HERC2: variants seen among roughly 807,000 people sequenced by gnomAD.
HERC2 encodes E3 ubiquitin-protein ligase HERC2.
A neutral mutation model predicts 537.7 loss-of-function variants in HERC2; 102 were observed. The observed-to-expected ratio is 0.19, with a 90% CI of 0.16 to 0.22. HERC2 has a LOEUF of 0.22. Among genes scored for constraint, HERC2 ranks in the 10% least tolerant of loss-of-function variants. The pLI, the probability that HERC2 is intolerant of heterozygous loss-of-function variation, is 1.00. For synonymous variants in HERC2, 2,224 were observed against 2,466.2 expected, an observed-to-expected ratio of 0.90 and a Z score of 2.91; for missense variants, 4,236 against 6,198.2, an observed-to-expected ratio of 0.68 and a Z score of 10.63.
chr15:28,211,519 C>T (rs954097759), intron 43 of HERC2, among the ~76,000 whole-genome samples: 1 of 152,144 alleles, frequency 6.6e-6, no homozygotes, highest in African/African-American at 2.4e-5. Context: ...TCTGTCAGCC[C>T]CACTAGCTCT....
intron 57 of HERC2, among the ~76,000 whole-genome samples, chr15:28,180,024 A>G (rs1236456409): frequency 3.3e-5 from 5 of 152,200 alleles, no homozygotes; most frequent in Non-Finnish European, 7.3e-5. Flanking sequence ...TAAAGTCTAC[A>G]GTAACATGCA....
At chr15:28,227,008 C>G (rs777895181) in intron 35 of HERC2, among the ~76,000 whole-genome samples, 4 of 152,252 alleles carry the variant, frequency 2.6e-5, no homozygotes, top group Non-Finnish European at 5.9e-5. Context: ...GGCGCAGTGG[C>G]TCACGCCTGT....
chr15:28,269,888 C>T (rs1248565505), intron 10 of HERC2, among the ~76,000 whole-genome samples: 1 of 152,244 alleles, frequency 6.6e-6, no homozygotes, highest in African/African-American at 2.4e-5. Context: ...TGCATGTGCA[C>T]GGGCACACAC....
At position 28,321,219 on chromosome 15, in the gene HERC2, T is replaced by A. The variant is rs552783288; in HGVS notation, c.72+143A>T. 4.2e-4 allele frequency: 272 copies of A among 647,254 alleles called. No homozygotes were observed. In the African/African-American group the frequency reaches 4.7e-3, roughly 11 times the overall value. The allele number at this position is 647,254 out of a possible 1,614,324, so 40.1% of individuals were successfully genotyped here. On this transcript the variant is annotated intron_variant, in intron 2 of 92. Transcript: ENST00000261609. ...AAACAGCCATAAAGACTGTTACATTTTAAGTTACAGGAAATAAACCTGCTC... is the reference window on the plus strand; with the variant it reads ...AAACAGCCATAAAGACTGTTACATTATAAGTTACAGGAAATAAACCTGCTC...
chr15:28,183,862 T>C (rs962525968), intron 56 of HERC2, among the ~76,000 whole-genome samples: 3 of 152,176 alleles, frequency 2.0e-5, no homozygotes, highest in African/African-American at 7.2e-5. Context: ...GCACAAAATA[T>C]TGAAATATCT....
intron 69 of HERC2, among the ~76,000 whole-genome samples, chr15:28,153,411 T>C (rs1892659479): frequency 6.6e-6 from 1 of 151,912 alleles, no homozygotes; most frequent in Admixed American, 6.6e-5. Flanking sequence ...ACAAGCACTT[T>C]GGGAGGTCGA....
intron 69 of HERC2, among the ~76,000 whole-genome samples, chr15:28,157,322 C>T (rs1475449510): frequency 6.6e-6 from 1 of 152,198 alleles, no homozygotes; most frequent in East Asian, 1.9e-4. Context: ...AGGAATGGTA[C>T]CAGCTCCTCT....
rs773928368 is a variant in HERC2 at position 28,132,240 on chromosome 15, G to A, written c.12430C>T (p.Arg4144Cys). 1.8e-5 allele frequency: 29 copies of A among 1,612,100 alleles called. No individual in the cohort carries two copies. The highest frequency in any genetic ancestry group is 4.5e-5 in the East Asian group (2 of 44,828). The change falls in exon 81 of 93, where the codon CGT (arginine) becomes TGT (cysteine). Residue 4144 changes from arginine to cysteine, a missense_variant. Physicochemically the swap from Arg to Cys is radical, Grantham distance 180 (BLOSUM62 -3). Transcript: ENST00000261609. Reference sequence around the variant, plus strand: ...CTGCCACAGGCGATGTCAACCACACGGTGGCCCTGCAGCGCCTCCACCTTC... The same window carrying A: ...CTGCCACAGGCGATGTCAACCACACAGTGGCCCTGCAGCGCCTCCACCTTC... The part of the protein sequence containing the change: ...PKLVEALQGH[R>C]VVDIACGSGD...
intron 78 of HERC2, among the ~76,000 whole-genome samples, chr15:28,138,899 G>C (rs562338968): frequency 2.2e-3 from 342 of 152,272 alleles, no homozygotes; most frequent in Non-Finnish European, 3.3e-3. Context: ...CATGGGAGGA[G>C]GTGAAAATAT....
chr15:28,115,486 G>T lies in HERC2; in HGVS notation c.13665C>A (p.Ala4555=), dbSNP rs202156908. ...CAGCCAGCTGCTTCCAGACAGGCTC[G>T]GCAAGGTTGAGGCTCAGGGGACTCC... is the stretch of plus-strand genomic sequence containing the variant. ...RTGSPLSLNL[A]EPVWKQLAGM... The change falls in exon 89 of 93, where the codon GCC becomes GCA. Residue 4555 remains alanine, a synonymous_variant. Coordinates refer to ENST00000261609, the MANE Select transcript of HERC2 (RefSeq NM_004667.6). 2 of 1,606,120 alleles carry T rather than the reference G, an allele frequency of 1.2e-6. No homozygotes were observed. The highest frequency in any genetic ancestry group is 1.1e-5 in the South Asian group (1 of 90,688).
At position 28,215,640 on chromosome 15, in the gene HERC2, G is replaced by A. The variant is rs1398791466; in HGVS notation, c.6191C>T (p.Ala2064Val). Residue 2064 changes from alanine to valine, a missense_variant, in exon 39 of 93, where the codon GCC (alanine) becomes GTC (valine). Coordinates refer to ENST00000261609, the MANE Select transcript of HERC2 (RefSeq NM_004667.6). ...CATTACCTGCCTCTGCAGCGAGGTG[G>A]CAGTGAAGGGTGCGTGCCCTTCCAC... The part of the protein sequence containing the change: ...KVVEGHAPFT[A>V]TSLQRQILAV... 6.2e-7 allele frequency: 1 copy of A among 1,609,614 alleles called. No individual in the cohort carries two copies. Among genetic ancestry groups the A allele is most frequent in the East Asian group, 2.2e-5 (1 of 44,810 alleles).
At chr15:28,121,925 A>G (rs1566914449) in intron 85 of HERC2, among the ~76,000 whole-genome samples, 1 of 137,306 alleles carries the variant, frequency 7.3e-6, no homozygotes. Flanking sequence ...GCCACGGGCC[A>G]GGGAGCACCG....
chr15:28,284,230 C>G (rs1359706235), intron 4 of HERC2, among the ~76,000 whole-genome samples: 1 of 151,686 alleles, frequency 6.6e-6, no homozygotes, highest in Non-Finnish European at 1.5e-5. Context: ...AGAAAAGCCA[C>G]TAAAGAAGCT....
intron 45 of HERC2, among the ~76,000 whole-genome samples, chr15:28,204,606 G>A (rs374364040): frequency 1.3e-4 from 18 of 139,562 alleles, no homozygotes; most frequent in South Asian, 4.6e-4. Context: ...GAGACAGAGC[G>A]AGACTCCGTC....
At chr15:28,304,558 G>A (rs1460763640) in intron 2 of HERC2, among the ~76,000 whole-genome samples, 1 of 151,926 alleles carries the variant, frequency 6.6e-6, no homozygotes, top group African/African-American at 2.4e-5. Flanking sequence ...AGTAGAGACA[G>A]GGTATCACCG....
At position 28,176,376 on chromosome 15, in the gene HERC2, T is replaced by C; in HGVS notation, c.9686+52A>G. ...AGCCTGGGGCGAGGCCCAGGTTCCC[T>C]GCACACACCTGCACAAGCACACACA... is the stretch of plus-strand genomic sequence containing the variant. On this transcript the variant is annotated intron_variant, in intron 63 of 92. Transcript: ENST00000261609. The surrounding 1 kb of genome is among the most constrained non-coding windows in gnomAD (Gnocchi z 5.0). The C allele has an allele frequency of 6.3e-7, 1 of 1,584,868 alleles. No homozygotes were observed.
intron 2 of HERC2, chr15:28,316,109 G>A (rs1219001176): frequency 3.2e-6 from 1 of 317,290 alleles, no homozygotes; most frequent in African/African-American, 2.2e-5. Context: ...TGGAATTCCA[G>A]CCACTTAGGA....
intron 48 of HERC2, among the ~76,000 whole-genome samples, 155 bp from the exon 49 acceptor site, chr15:28,198,924 G>A (rs1224364947): frequency 6.6e-6 from 1 of 152,210 alleles, no homozygotes; most frequent in Admixed American, 6.5e-5. Context: ...GAGGTGGGAG[G>A]ATCACTTGAG....
chr15:28,167,741 C>G lies in HERC2; in HGVS notation c.10500G>C (p.Thr3500=). The change falls in exon 68 of 93, where the codon ACG becomes ACC. Residue 3500 remains threonine, a synonymous_variant. Transcript: ENST00000261609. ...TGATGCTTGCGGCTCCCAGGTCATC[C>G]GTCACTGGGATAAAAGGCCGAGCGG... ...SASARPFIPV[T]DDLGAASIIA... is the part of the protein sequence containing the mutation. 6.2e-7 allele frequency: 1 copy of G among 1,614,120 alleles called. No individual in the cohort carries two copies. The highest frequency in any genetic ancestry group is 1.1e-5 in the South Asian group (1 of 91,084).
Sources: gnomAD v4.1 joint callset for allele counts (sites outside exome capture counted in the v4.1 genomes callset) on GRCh38, gnomAD v4.1.1 for gene constraint, Gnocchi (gnomAD v3.1) non-coding constraint, MANE v1.5 for transcripts, NCBI Gene and HGNC (gene_info 2026-07-23, HGNC 2026-07-21) for gene names.